The following FGF12 variants were observed in gnomAD, a reference collection of about 807,000 sequenced individuals.
FGF12 encodes the protein fibroblast growth factor 12.
Under a neutral mutation model 23.6 loss-of-function variants are expected in FGF12, and 14 were observed. The observed-to-expected ratio is 0.59, with a 90% CI of 0.39 to 0.93. The LOEUF is 0.93. FGF12 is among the 40% of genes least tolerant of loss of function. FGF12 has a pLI of 0.00. For missense variants in FGF12, 175 were observed against 217.8 expected (o/e 0.80, Z 1.24); for synonymous variants, 62 against 77.3 (o/e 0.80, Z 1.04).
intron 4 of FGF12, among the ~76,000 whole-genome samples, chr3:192,175,131 T>C (rs952977532): frequency 3.9e-5 from 6 of 152,020 alleles, no homozygotes; most frequent in Non-Finnish European, 8.8e-5. Flanking sequence ...TCAGAAGGGG[T>C]TCTGTGGTTA....
intron 3 of FGF12, among the ~76,000 whole-genome samples, chr3:192,353,502 C>T (rs566587720): frequency 7.0e-4 from 106 of 151,434 alleles, no homozygotes; most frequent in Admixed American, 2.2e-3. Context: ...CCCGAGTAGC[C>T]AGGACTACAG....
intron 4 of FGF12, among the ~76,000 whole-genome samples, chr3:192,302,706 G>T (rs115425109): frequency 0.028 from 4,272 of 152,244 alleles, 159 homozygotes; most frequent in South Asian, 0.17. Flanking sequence ...GACATACAAA[G>T]GAAGAACTCT....
intron 2 of FGF12, among the ~76,000 whole-genome samples, chr3:192,418,625 A>T (rs1721427187): frequency 6.6e-6 from 1 of 152,052 alleles, no homozygotes. Flanking sequence ...GCCAGGTTGG[A>T]GGTGATTGGA....
chr3:192,167,872 T>G (rs1715315288), intron 5 of FGF12, among the ~76,000 whole-genome samples: 1 of 148,864 alleles, frequency 6.7e-6, no homozygotes, highest in Non-Finnish European at 1.5e-5. Flanking sequence ...ACCTCCTTGA[T>G]TCTCCTGCCT....
intron 2 of FGF12, among the ~76,000 whole-genome samples, chr3:192,433,195 A>G (rs1721918199): frequency 6.6e-6 from 1 of 152,216 alleles, no homozygotes; most frequent in Admixed American, 6.5e-5. Flanking sequence ...CTGAGAAAAC[A>G]GAATCACAGT....
At chr3:192,638,796 A>T (rs1182006153) in intron 2 of FGF12, among the ~76,000 whole-genome samples, 1 of 152,200 alleles carries the variant, frequency 6.6e-6, no homozygotes, top group Non-Finnish European at 1.5e-5. Flanking sequence ...AATCCCACGG[A>T]TCAGATTCAC....
At chr3:192,512,766 A>G (rs904406131) in intron 2 of FGF12, among the ~76,000 whole-genome samples, 1 of 148,044 alleles carries the variant, frequency 6.8e-6, no homozygotes, top group African/African-American at 2.5e-5. Flanking sequence ...CCCACTAAGT[A>G]AAAATGCATA....
chr3:192,459,119 G>A (rs1040641777), intron 2 of FGF12, among the ~76,000 whole-genome samples: 1 of 152,154 alleles, frequency 6.6e-6, no homozygotes, highest in Non-Finnish European at 1.5e-5. Flanking sequence ...TCCCAGTCTA[G>A]AGTATGTCTT....
rs189449328 is a variant in FGF12, at chr3:192,210,924, A to G, written c.229-40268T>C. The stretch of plus-strand genomic sequence containing the variant: ...GTGGCTGGAGGCAACGAGAAGAACA[A>G]CAGGAGAGAAGTCAGAGATGTATTG... On this transcript the variant is annotated intron_variant, in intron 4 of 5. Coordinates refer to ENST00000445105, the MANE Select transcript of FGF12 (RefSeq NM_004113.6). 4.4e-3 allele frequency among the ~76,000 whole-genome samples: 669 copies of G among 152,326 alleles called. 1 individual carries two copies. The highest frequency in any genetic ancestry group is 5.5e-3 in the Non-Finnish European group (371 of 68,020).
chr3:192,310,927 T>G (rs1313727920), intron 4 of FGF12, among the ~76,000 whole-genome samples: 1 of 152,204 alleles, frequency 6.6e-6, no homozygotes, highest in South Asian at 2.1e-4. Context: ...TCCACTTTTT[T>G]GGTCCATCAC....
At chr3:192,441,263 T>C (rs919223195) in intron 2 of FGF12, among the ~76,000 whole-genome samples, 1 of 152,226 alleles carries the variant, frequency 6.6e-6, no homozygotes, top group East Asian at 1.9e-4. Context: ...GCTTTCCTTA[T>C]CTTTTTCTGA....
rs1322139684 is a variant in FGF12 at position 192,641,531 on chromosome 3, A to G, written c.13+85650T>C. ...GCGATTCTCCTGCCTCAGCCTCCTG[A>G]GTAGCTGGGATTACAGGCATGCACC... On this transcript the variant is annotated intron_variant, in intron 2 of 5. Coordinates refer to ENST00000445105, the MANE Select transcript of FGF12 (RefSeq NM_004113.6). Among the ~76,000 whole-genome samples the G allele has an allele frequency of 6.6e-5, 10 of 150,878 alleles. No individual in the cohort carries two copies. The Admixed American group carries it at 6.6e-4, about 10-fold the overall frequency.
At chr3:192,443,829 T>C (rs1411527400) in intron 2 of FGF12, among the ~76,000 whole-genome samples, 1 of 152,190 alleles carries the variant, frequency 6.6e-6, no homozygotes, top group East Asian at 1.9e-4. Flanking sequence ...TGCTCCATGA[T>C]GCACACACAA....
intron 2 of FGF12, among the ~76,000 whole-genome samples, chr3:192,423,868 T>A (rs1203347271): frequency 6.6e-6 from 1 of 152,098 alleles, no homozygotes; most frequent in East Asian, 1.9e-4. Context: ...TCACAACCAC[T>A]CAGTAAGACA....
chr3:192,401,686 G>T (rs1004252702), intron 2 of FGF12, among the ~76,000 whole-genome samples: 1 of 151,888 alleles, frequency 6.6e-6, no homozygotes, highest in African/African-American at 2.4e-5. Context: ...TCTTTCTTTG[G>T]ACCCTAGATT....
intron 4 of FGF12, among the ~76,000 whole-genome samples, chr3:192,246,105 T>C (rs769643778): frequency 2.6e-5 from 4 of 152,156 alleles, no homozygotes; most frequent in Admixed American, 6.5e-5. Flanking sequence ...CCGGAAATAA[T>C]AGCTTTAGTT....
At chr3:192,373,774 T>C (rs943992790) in intron 2 of FGF12, among the ~76,000 whole-genome samples, 1 of 152,158 alleles carries the variant, frequency 6.6e-6, no homozygotes, top group Admixed American at 6.6e-5. Context: ...TAAGATCTCA[T>C]GAATAAAGAA....
intron 2 of FGF12, among the ~76,000 whole-genome samples, chr3:192,666,101 T>G (rs1716863515): frequency 6.6e-6 from 1 of 152,176 alleles, no homozygotes; most frequent in African/African-American, 2.4e-5. Flanking sequence ...CCCAAAACAA[T>G]AGCTCTCAAT....
chr3:192,502,118 T>TA (rs1346475989), intron 2 of FGF12, among the ~76,000 whole-genome samples: 1 of 152,200 alleles, frequency 6.6e-6, no homozygotes, highest in Non-Finnish European at 1.5e-5. Context: ...TCCTAGAAAT[T>TA]ACTTTGTTTT....
Sources: gnomAD v4.1 joint callset for allele counts (sites outside exome capture counted in the v4.1 genomes callset) on GRCh38, gnomAD v4.1.1 for gene constraint, MANE v1.5 for transcripts, NCBI Gene and HGNC (gene_info 2026-07-23, HGNC 2026-07-21) for gene names.